Variants in MTHFD2L observed in about 807,000 individuals in gnomAD.
The protein encoded by MTHFD2L is methylenetetrahydrofolate dehydrogenase (NADP+ dependent) 2 like.
In MTHFD2L, 29 loss-of-function variants were observed where a neutral mutation model predicts 34.9. The observed-to-expected ratio is 0.83, with a 90% CI of 0.62 to 1.13. MTHFD2L has a LOEUF of 1.13. MTHFD2L is among the 50% of genes most tolerant of loss of function. The probability of loss-of-function intolerance (pLI) is 0.00; values close to 1 mark genes in which losing one functional copy is unlikely to be tolerated. For synonymous variants in MTHFD2L, 167 were observed against 155.7 expected (o/e 1.07, Z -0.54); for missense variants, 481 against 446.5 (o/e 1.08, Z -0.70).
intron 7 of MTHFD2L, among the ~76,000 whole-genome samples, chr4:74,301,216 A>G (rs1391910119): frequency 1.3e-5 from 2 of 152,106 alleles, no homozygotes; most frequent in African/African-American, 4.8e-5. Flanking sequence ...AAGTATATTT[A>G]GTGATACTTA....
At chr4:74,141,926 G>C (rs772301659) in intron 1 of MTHFD2L, among the ~76,000 whole-genome samples, 1 of 152,140 alleles carries the variant, frequency 6.6e-6, no homozygotes, top group African/African-American at 2.4e-5. Context: ...GAAATGATGT[G>C]TGTTGGCTTT....
intron 6 of MTHFD2L, among the ~76,000 whole-genome samples, chr4:74,231,951 C>T (rs1425872521): frequency 6.6e-6 from 1 of 152,034 alleles, no homozygotes; most frequent in Non-Finnish European, 1.5e-5. Context: ...TCAAGCTAGC[C>T]AATCCATGTA....
upstream of MTHFD2L, chr4:74,157,752 G>A (rs1724408995): frequency 2.1e-6 from 1 of 474,450 alleles, no homozygotes; most frequent in Non-Finnish European, 4.2e-6. Flanking sequence ...GAGACTGTTG[G>A]GCAGGATCTC....
At chr4:74,194,422 CTGTT>C (rs1287265229) in intron 3 of MTHFD2L, 1 of 151,988 alleles carries the variant, frequency 6.6e-6, no homozygotes, top group East Asian at 1.9e-4. Flanking sequence ...TCCTCTACAT[CTGTT>C]TGTTTTTAGT....
intron 3 of MTHFD2L, among the ~76,000 whole-genome samples, chr4:74,197,503 A>T (rs1416344538): frequency 1.3e-5 from 2 of 152,152 alleles, no homozygotes; most frequent in Non-Finnish European, 2.9e-5. Flanking sequence ...TTCTTGGGAT[A>T]TTTTAGAGTT....
chr4:74,231,734 T>C (rs916513129), intron 6 of MTHFD2L, among the ~76,000 whole-genome samples: 6 of 152,188 alleles, frequency 3.9e-5, no homozygotes, highest in Non-Finnish European at 7.3e-5. Context: ...TGTTCATTGA[T>C]GTGATTTAAA....
At chr4:74,288,271 A>G (rs1261552077) in intron 7 of MTHFD2L, 1 of 152,188 alleles carries the variant, frequency 6.6e-6, no homozygotes, top group Non-Finnish European at 1.5e-5. Context: ...TTGAAGTTGA[A>G]TTGCCTCCTC....
chr4:74,118,504 T>G (rs956097557), upstream of MTHFD2L, among the ~76,000 whole-genome samples: 3 of 152,200 alleles, frequency 2.0e-5, no homozygotes, highest in Non-Finnish European at 4.4e-5. Context: ...TGTGTTAAAG[T>G]CTGAACTCTC....
chr4:74,199,653 T>TAAG lies in MTHFD2L; in HGVS notation c.452-139_452-138insGAA. 3 of 652,170 alleles carry TAAG rather than the reference T, an allele frequency of 4.6e-6. No individual in the cohort carries two copies. In the East Asian group the frequency reaches 9.2e-5, roughly 20 times the overall value. The allele number at this position is 652,170 out of a possible 1,614,324, so 40.4% of individuals were successfully genotyped here. On this transcript the variant is annotated intron_variant, in intron 3 of 7. Coordinates refer to ENST00000325278, the MANE Select transcript of MTHFD2L (RefSeq NM_001144978.3). ...GGCTTACTATTTTGGTGGCAAATAA[T>TAAG]AATAATAATAATAATAATGACTTTA... is the stretch of plus-strand genomic sequence containing the variant.
At chr4:74,170,983 TG>T (rs1319891954) in intron 1 of MTHFD2L, among the ~76,000 whole-genome samples, 1 of 34,226 alleles carries the variant, frequency 2.9e-5, no homozygotes, top group Non-Finnish European at 5.4e-5. Context: ...TGTTGTGGGG[TG>T]GGGGGAGGGG....
intron 1 of MTHFD2L, among the ~76,000 whole-genome samples, chr4:74,167,064 G>A (rs1182471273): frequency 6.6e-6 from 1 of 152,268 alleles, no homozygotes; most frequent in Non-Finnish European, 1.5e-5. Flanking sequence ...TAGGCTTCAG[G>A]TCTGTATTTG....
Position 74,171,836 on chromosome 4 carries a change from T to C in MTHFD2L, c.144-2670T>C, listed in dbSNP as rs116447547. ...TATTTTAAAGCATATGTGTACAAAA[T>C]ATATTAAAGCATATGTGTTATAAAA... is the stretch of plus-strand genomic sequence containing the variant. On this transcript the variant is annotated intron_variant, in intron 1 of 7. Coordinates refer to ENST00000325278, the MANE Select transcript of MTHFD2L (RefSeq NM_001144978.3). Among the ~76,000 whole-genome samples the C allele has an allele frequency of 4.0e-3, 608 of 152,300 alleles. 2 individuals are homozygous for C. Among genetic ancestry groups the C allele is most frequent in the Non-Finnish European group, 6.2e-3 (422 of 68,020 alleles).
chr4:74,186,553 A>G (rs531111272), intron 3 of MTHFD2L, among the ~76,000 whole-genome samples: 1 of 152,070 alleles, frequency 6.6e-6, no homozygotes, highest in East Asian at 1.9e-4. Context: ...TTTCAACCAG[A>G]TATTGAAATT....
At chr4:74,274,110 C>T (rs1359303842) in intron 6 of MTHFD2L, among the ~76,000 whole-genome samples, 1 of 151,986 alleles carries the variant, frequency 6.6e-6, no homozygotes, top group African/African-American at 2.4e-5. Context: ...CTTCAGCTTC[C>T]CAAAGTGCTG....
chr4:74,190,395 T>C, intron 3 of MTHFD2L: 3 of 828,310 alleles, frequency 3.6e-6, no homozygotes, highest in Non-Finnish European at 4.4e-6. Context: ...TTAATTTTTA[T>C]TTTTTATTTT....
At chr4:74,210,961 G>A (rs1006470929) in intron 5 of MTHFD2L, among the ~76,000 whole-genome samples, 1 of 152,124 alleles carries the variant, frequency 6.6e-6, no homozygotes, top group Non-Finnish European at 1.5e-5. Flanking sequence ...GTCAATGGGA[G>A]TTCACTCATG....
At chr4:74,170,136 C>T (rs1260287872) in intron 1 of MTHFD2L, among the ~76,000 whole-genome samples, 4 of 152,168 alleles carry the variant, frequency 2.6e-5, no homozygotes, top group Non-Finnish European at 4.4e-5. Flanking sequence ...TTCTATGAAG[C>T]TAGCATCATC....
chr4:74,267,947 C>T (rs1745517766), intron 6 of MTHFD2L: 1 of 985,192 alleles, frequency 1.0e-6, no homozygotes, highest in South Asian at 4.7e-5. Context: ...TAGCACCATC[C>T]TGGTACCACA....
intron 3 of MTHFD2L, chr4:74,183,923 A>G (rs1015057292): frequency 2.6e-5 from 4 of 152,204 alleles, no homozygotes; most frequent in African/African-American, 9.6e-5. Context: ...TGGCAACAAT[A>G]GCACAAAAGT....
Sources: allele counts gnomAD v4.1 joint callset (sites outside exome capture counted in the v4.1 genomes callset), GRCh38; gene constraint gnomAD v4.1.1; transcripts MANE v1.5; gene names NCBI Gene and HGNC (gene_info 2026-07-23, HGNC 2026-07-21).